Variants in HRH1 observed in about 807,000 individuals in gnomAD.
The protein encoded by HRH1 is histamine receptor H1.
A neutral mutation model predicts 10.3 loss-of-function variants in HRH1; 6 were observed. The observed-to-expected ratio is 0.58, with a 90% CI of 0.32 to 1.15. The LOEUF (loss-of-function observed/expected upper bound fraction) is 1.15, where lower values mean the gene tolerates loss of function less well. HRH1 is among the 50% of genes most tolerant of loss of function. The pLI, the probability that HRH1 is intolerant of heterozygous loss-of-function variation, is 0.05. For synonymous variants in HRH1, 242 were observed against 236.7 expected (o/e 1.02, Z -0.21); for missense variants, 514 against 615.3 (o/e 0.84, Z 1.74).
chr3:11,137,685 C>T (rs1936209790), intron 1 of HRH1, among the ~76,000 whole-genome samples: 1 of 152,096 alleles, frequency 6.6e-6, no homozygotes. Flanking sequence ...GCTTGAGCGT[C>T]TGAGTTATTG....
chr3:11,190,929 C>T (rs999996745), intron 1 of HRH1, among the ~76,000 whole-genome samples: 3 of 152,232 alleles, frequency 2.0e-5, no homozygotes, highest in Middle Eastern at 3.4e-3. Flanking sequence ...ATGCTGCCTC[C>T]GAGGCCACAC....
chr3:11,192,026 T>A (rs973700856), intron 1 of HRH1, among the ~76,000 whole-genome samples: 2 of 152,220 alleles, frequency 1.3e-5, no homozygotes, highest in Non-Finnish European at 2.9e-5. Context: ...TTGAGCCCCC[T>A]GTCCCCTTGG....
chr3:11,192,729 A>G (rs1053913820), intron 1 of HRH1, among the ~76,000 whole-genome samples: 6 of 152,186 alleles, frequency 3.9e-5, no homozygotes, highest in African/African-American at 1.4e-4. Flanking sequence ...ATAAAATTTT[A>G]CAAAGACCAT....
rs535875094 is a variant in HRH1, at chr3:11,225,345, G to A, written c.-35-33658G>A. Among the ~76,000 whole-genome samples the A allele has an allele frequency of 7.2e-5, 11 of 152,270 alleles. No individual in the cohort carries two copies. The South Asian group carries it at 8.3e-4, about 11-fold the overall frequency. ...GAACCAGGCCTGGCCGGCTGGAGTC[G>A]GAGAGAGGGACAGACTGCTCTCTGG... On this transcript the variant is annotated intron_variant, in intron 1 of 1. Coordinates refer to ENST00000431010, the MANE Select transcript of HRH1 (RefSeq NM_001098212.2).
intron 1 of HRH1, among the ~76,000 whole-genome samples, chr3:11,219,714 CAAAA>C (rs58875644): frequency 1.4e-4 from 11 of 76,748 alleles, no homozygotes; most frequent in African/African-American, 5.0e-4. Flanking sequence ...GACTTCATCT[CAAAA>C]AAAAAAAAAA....
At chr3:11,203,034 A>G (rs1937988653) in intron 1 of HRH1, among the ~76,000 whole-genome samples, 2 of 151,914 alleles carry the variant, frequency 1.3e-5, no homozygotes, top group South Asian at 4.2e-4. Flanking sequence ...GGCTTCTTTC[A>G]CTTAATAGTA....
chr3:11,262,473 C>G lies in HRH1; in HGVS notation c.*1972C>G, dbSNP rs1939980775. 6.0e-6 allele frequency: 1 copy of G among 167,116 alleles called. No homozygotes were observed. 10.4% of individuals were successfully genotyped at this position (167,116 alleles called of 1,614,324 possible). On this transcript the variant is annotated 3_prime_UTR_variant, in exon 2 of 2. Transcript: ENST00000431010. ...TGTAAAAAGCTTCATTCTCACTCTGCTTTGCATCCCCCAAACTTCTTGTTC... is the reference window on the plus strand; with the variant it reads ...TGTAAAAAGCTTCATTCTCACTCTGGTTTGCATCCCCCAAACTTCTTGTTC...
At chr3:11,143,116 G>C (rs1936327612) in intron 1 of HRH1, among the ~76,000 whole-genome samples, 1 of 152,152 alleles carries the variant, frequency 6.6e-6, no homozygotes, top group Non-Finnish European at 1.5e-5. Context: ...GCAGGGGTCA[G>C]ATGATGTGAA....
intron 1 of HRH1, chr3:11,234,362 T>A: frequency 1.3e-6 from 2 of 1,598,172 alleles, no homozygotes; most frequent in Non-Finnish European, 1.7e-6. Context: ...CTCATCCTCT[T>A]GGGGATAGAG....
chr3:11,225,081 A>G (rs1307949879), intron 1 of HRH1, among the ~76,000 whole-genome samples: 1 of 152,166 alleles, frequency 6.6e-6, no homozygotes, highest in Non-Finnish European at 1.5e-5. Flanking sequence ...GCCACAGGAA[A>G]GGGGGAGCAG....
At chr3:11,192,936 A>T (rs990227890) in intron 1 of HRH1, among the ~76,000 whole-genome samples, 1 of 152,186 alleles carries the variant, frequency 6.6e-6, no homozygotes, top group Non-Finnish European at 1.5e-5. Context: ...TATTAACGTC[A>T]TTCCCTCTTA....
chr3:11,244,178 A>G (rs955039157), intron 1 of HRH1, among the ~76,000 whole-genome samples: 1 of 152,218 alleles, frequency 6.6e-6, no homozygotes, highest in Non-Finnish European at 1.5e-5. Flanking sequence ...ATGGCTGCTT[A>G]AGCACTACTC....
chr3:11,218,201 C>T (rs1413556391), intron 1 of HRH1, among the ~76,000 whole-genome samples: 1 of 152,102 alleles, frequency 6.6e-6, no homozygotes, highest in Non-Finnish European at 1.5e-5. Flanking sequence ...AATCCCAGCA[C>T]TTTGGGAGGC....
chr3:11,210,566 C>T (rs766301240), intron 1 of HRH1, among the ~76,000 whole-genome samples: 2 of 152,114 alleles, frequency 1.3e-5, no homozygotes, highest in African/African-American at 2.4e-5. Flanking sequence ...CCAAGGCAGG[C>T]GGATCATTTG....
intron 1 of HRH1, among the ~76,000 whole-genome samples, chr3:11,241,256 T>C (rs1180297458): frequency 2.0e-5 from 3 of 148,898 alleles, no homozygotes; most frequent in Non-Finnish European, 4.4e-5. Flanking sequence ...GTTAACAGAA[T>C]TGACATTGTC....
chr3:11,251,403 G>A (rs1014009047), intron 1 of HRH1, among the ~76,000 whole-genome samples: 1 of 152,212 alleles, frequency 6.6e-6, no homozygotes, highest in Non-Finnish European at 1.5e-5. Context: ...CATACGTGGA[G>A]TCAGTATAAA....
At chr3:11,190,581 C>A (rs200302335) in intron 1 of HRH1, among the ~76,000 whole-genome samples, 1 of 151,810 alleles carries the variant, frequency 6.6e-6, no homozygotes, top group Non-Finnish European at 1.5e-5. Context: ...TTAGTAGAGA[C>A]GGGGTTTCAC....
chr3:11,152,046 C>T (rs565829028), upstream of HRH1, among the ~76,000 whole-genome samples: 2 of 152,324 alleles, frequency 1.3e-5, no homozygotes, highest in East Asian at 1.9e-4. Flanking sequence ...CAGACTGCTC[C>T]AGGCTCCAGA....
At position 11,139,273 on chromosome 3, in the gene HRH1, C is replaced by T. The variant is rs997794492; in HGVS notation, c.-36+1874C>T. On this transcript the variant is annotated intron_variant, in intron 1 of 1. Transcript: ENST00000438284. Reference sequence around the variant, plus strand: ...GAATACTGGGATTACAGGAACGAGCCGCCCGCCTTTTTTTTTTTTATTTTG... The same window carrying T: ...GAATACTGGGATTACAGGAACGAGCTGCCCGCCTTTTTTTTTTTTATTTTG... 1.5e-4 allele frequency among the ~76,000 whole-genome samples: 23 copies of T among 150,740 alleles called. 1 individual carries two copies. The highest frequency in any genetic ancestry group is 3.9e-4 in the African/African-American group (16 of 40,834).
Sources: allele counts gnomAD v4.1 joint callset (sites outside exome capture counted in the v4.1 genomes callset), GRCh38; gene constraint gnomAD v4.1.1; transcripts MANE v1.5; gene names NCBI Gene and HGNC (gene_info 2026-07-23, HGNC 2026-07-21).